Variants in DRAM1 observed in about 807,000 individuals in gnomAD.
DRAM1 encodes the protein DNA damage regulated autophagy modulator 1.
In DRAM1, 25 loss-of-function variants were observed where a neutral mutation model predicts 28.5. The observed-to-expected ratio is 0.88, with a 90% CI of 0.64 to 1.23. The LOEUF is 1.23. Ranked by LOEUF, DRAM1 falls within the 50% of genes most tolerant of loss-of-function variation. The pLI, the probability that DRAM1 is intolerant of heterozygous loss-of-function variation, is 0.00. For missense variants in DRAM1, 249 were observed against 299.2 expected (o/e 0.83, Z 1.24); for synonymous variants, 113 against 114.2 (o/e 0.99, Z 0.07).
intron 1 of DRAM1, among the ~76,000 whole-genome samples, chr12:101,882,718 T>C (rs1268539725): frequency 1.3e-5 from 2 of 151,062 alleles, no homozygotes; most frequent in Non-Finnish European, 2.9e-5. Flanking sequence ...GGAAACAGTC[T>C]CTCTCATACA....
chr12:101,885,824 G>A (rs151251567), intron 1 of DRAM1, among the ~76,000 whole-genome samples: 37 of 152,084 alleles, frequency 2.4e-4, no homozygotes, highest in East Asian at 1.7e-3. Flanking sequence ...CACCGCGTCC[G>A]GCCTCCCAGT....
chr12:101,908,635 C>T (rs1264352797), intron 4 of DRAM1, among the ~76,000 whole-genome samples: 1 of 151,866 alleles, frequency 6.6e-6, no homozygotes, highest in East Asian at 1.9e-4. Context: ...TTATTGAGTA[C>T]TGGCCATGTG....
At chr12:101,921,090 A>T in intron 6 of DRAM1, 126 bp from the exon 7 acceptor site, 1 of 738,542 alleles carries the variant, frequency 1.4e-6, no homozygotes, top group Non-Finnish European at 2.4e-6. Flanking sequence ...TTAGGACCTG[A>T]CTCAAGCATA....
intron 1 of DRAM1, among the ~76,000 whole-genome samples, chr12:101,889,454 G>T (rs1873012443): frequency 6.7e-6 from 1 of 149,382 alleles, no homozygotes; most frequent in Non-Finnish European, 1.5e-5. Context: ...CAAGAAAAGA[G>T]ACGAGATGAG....
intron 1 of DRAM1, among the ~76,000 whole-genome samples, chr12:101,884,675 C>T (rs1025582198): frequency 5.3e-5 from 8 of 152,284 alleles, no homozygotes; most frequent in Admixed American, 2.6e-4. Context: ...CCATATTGTC[C>T]TACCTCATGA....
At chr12:101,920,296 T>C (rs917461470) in intron 6 of DRAM1, 95 bp downstream of exon 6, 2 of 359,598 alleles carry the variant, frequency 5.6e-6, no homozygotes, top group African/African-American at 1.4e-4. Context: ...AAGAGCACTT[T>C]CTTTTTTTTT....
At chr12:101,880,209 T>C (rs1309347058) in intron 1 of DRAM1, among the ~76,000 whole-genome samples, 2 of 150,816 alleles carry the variant, frequency 1.3e-5, no homozygotes, top group African/African-American at 2.4e-5. Context: ...TGCACAACCA[T>C]GCCCAGCTAA....
intron 1 of DRAM1, 89 bp downstream of exon 1, chr12:101,878,009 C>T: frequency 7.5e-7 from 1 of 1,338,854 alleles, no homozygotes. Flanking sequence ...CGTCCGGACC[C>T]AGCTTGGGGC....
At chr12:101,917,142 A>G (rs765609149) in intron 5 of DRAM1, among the ~76,000 whole-genome samples, 2 of 152,232 alleles carry the variant, frequency 1.3e-5, no homozygotes, top group Non-Finnish European at 2.9e-5. Context: ...GTTTCAGTAA[A>G]ACGCCGAGGT....
At chr12:101,904,486 G>A (rs1403348626) in intron 3 of DRAM1, among the ~76,000 whole-genome samples, 1 of 114,520 alleles carries the variant, frequency 8.7e-6, no homozygotes, top group Non-Finnish European at 1.6e-5. Context: ...CTGTCACCCA[G>A]GCTGGAGTGC....
chr12:101,914,766 T>TCC (rs1874170214), intron 5 of DRAM1, among the ~76,000 whole-genome samples: 1 of 152,124 alleles, frequency 6.6e-6, no homozygotes. Context: ...CAAGTGATTC[T>TCC]TGTGCCTCAG....
intron 1 of DRAM1, among the ~76,000 whole-genome samples, chr12:101,889,009 C>G (rs1753767870): frequency 6.6e-6 from 1 of 151,692 alleles, no homozygotes; most frequent in African/African-American, 2.4e-5. Flanking sequence ...CACTGTATTG[C>G]CTGGGCTGGT....
rs1418331677 is a variant in DRAM1, at chr12:101,923,484, TACTC to T, written c.*2228_*2231del. 10 of 152,324 alleles carry T rather than the reference TACTC, an allele frequency of 6.6e-5. No individual in the cohort carries two copies. The South Asian group carries it at 1.0e-3, about 16-fold the overall frequency. The allele number at this position is 152,324 out of a possible 1,614,324, so 9.4% of individuals were successfully genotyped here. A position where few individuals can be genotyped will look rare whatever the true frequency, so the allele number is the denominator to read the frequency against. The stretch of plus-strand genomic sequence containing the variant: ...TGGTACACTGTAGGAGCTTAAGAAA[TACTC>T]ACTGAATGCATGAATGAATGAATGA... On this transcript the variant is annotated 3_prime_UTR_variant, in exon 7 of 7. Transcript: ENST00000258534.
rs866217779 is a variant in DRAM1 at position 101,877,664 on chromosome 12, G to T, written c.-126G>T. ...CTCCGGGGCTGGGCCTGCCCCGGCC[G>T]TCGCGGAGCCTCCCCTCCCACCGTC... On this transcript the variant is annotated 5_prime_UTR_variant, in exon 1 of 7. Coordinates refer to ENST00000258534, the MANE Select transcript of DRAM1 (RefSeq NM_018370.3). This position sits in a 1 kb window ranked among gnomAD's most constrained non-coding sequence, Gnocchi z 4.1. 164 of 658,654 alleles carry T rather than the reference G, an allele frequency of 2.5e-4. 1 individual carries two copies. In the Middle Eastern group the frequency reaches 0.011, roughly 44 times the overall value. 40.8% of individuals were successfully genotyped at this position (658,654 alleles called of 1,614,324 possible).
rs1345029131 is a variant in DRAM1, at chr12:101,877,583, C to G, written c.-207C>G. 2 of 291,672 alleles carry G rather than the reference C, an allele frequency of 6.9e-6. No homozygotes were observed. Among genetic ancestry groups the G allele is most frequent in the Non-Finnish European group, 1.2e-5 (2 of 160,274 alleles). 18.1% of individuals were successfully genotyped at this position (291,672 alleles called of 1,614,324 possible). On this transcript the variant is annotated 5_prime_UTR_variant, in exon 1 of 7. Coordinates refer to ENST00000258534, the MANE Select transcript of DRAM1 (RefSeq NM_018370.3). This position sits in a 1 kb window ranked among gnomAD's most constrained non-coding sequence, Gnocchi z 4.1. ...CCGGGCAGCCCGCGCCCCACCCACT[C>G]TGGCCCGGCAGCCTCGCCGCCCGCA...
At chr12:101,901,235 T>C in intron 2 of DRAM1, 56 bp from the exon 3 acceptor site, 1 of 1,565,258 alleles carries the variant, frequency 6.4e-7, no homozygotes, top group South Asian at 1.2e-5. Context: ...TGCTCCTGTT[T>C]TTCATCCTAA....
chr12:101,895,379 T>C (rs1873320294), intron 1 of DRAM1, among the ~76,000 whole-genome samples: 1 of 151,240 alleles, frequency 6.6e-6, no homozygotes, highest in Admixed American at 6.6e-5. Flanking sequence ...GGTTTCACCA[T>C]GTTGGCCAGG....
intron 1 of DRAM1, among the ~76,000 whole-genome samples, chr12:101,889,240 C>A (rs1015428173): frequency 6.6e-6 from 1 of 152,132 alleles, no homozygotes; most frequent in Non-Finnish European, 1.5e-5. Flanking sequence ...AGCTGATATA[C>A]CCCTGATTGA....
At position 101,908,988 on chromosome 12, in the gene DRAM1, G is replaced by C. The variant is rs950937252; in HGVS notation, c.520+625G>C. 7.5e-4 allele frequency among the ~76,000 whole-genome samples: 114 copies of C among 151,484 alleles called. 1 individual carries two copies. Among genetic ancestry groups the C allele is most frequent in the Non-Finnish European group, 6.2e-4 (42 of 67,872 alleles). On this transcript the variant is annotated intron_variant, in intron 4 of 6. Coordinates refer to ENST00000258534, the MANE Select transcript of DRAM1 (RefSeq NM_018370.3). ...GATAAAAGTGTAGATCAAGCTGGGC[G>C]TAGTGGCTCACGCCTGTAATCCCAG...
Sources: gnomAD v4.1 joint callset for allele counts (sites outside exome capture counted in the v4.1 genomes callset) on GRCh38, gnomAD v4.1.1 for gene constraint, Gnocchi (gnomAD v3.1) non-coding constraint, MANE v1.5 for transcripts, NCBI Gene and HGNC (gene_info 2026-07-23, HGNC 2026-07-21) for gene names.